The following LGI1 variants were observed in gnomAD, a reference collection of about 807,000 sequenced individuals.
The protein encoded by LGI1 is leucine-rich glioma-inactivated protein 1.
A neutral mutation model predicts 57.7 loss-of-function variants in LGI1; 11 were observed. The ratio of observed to expected loss-of-function variants is 0.19; its 90% CI spans 0.12 to 0.32. The LOEUF (loss-of-function observed/expected upper bound fraction) is 0.32, where lower values mean the gene tolerates loss of function less well. LGI1 is among the 10% of genes least tolerant of loss of function. LGI1 has a pLI of 1.00. For synonymous variants in LGI1, 222 were observed against 241.9 expected (o/e 0.92, Z 0.76); for missense variants, 422 against 661.9 (o/e 0.64, Z 3.98).
In LGI1 at chr10:93,758,380, G is replaced by A. The variant is rs764784082; in HGVS notation, c.215+21G>A. On this transcript the variant is annotated intron_variant, in intron 1 of 7. Coordinates refer to ENST00000371418, the MANE Select transcript of LGI1 (RefSeq NM_005097.4). This position sits in a 1 kb window ranked among gnomAD's most constrained non-coding sequence, Gnocchi z 4.7. ...TCATTGTAAGGCCCGTAAGCATTTT[G>A]ATATCTAATTTACGATTTAAAAATT... 1 of 1,606,770 alleles carries A rather than the reference G, an allele frequency of 6.2e-7. No individual in the cohort carries two copies. Among genetic ancestry groups the A allele is most frequent in the Non-Finnish European group, 8.5e-7 (1 of 1,173,500 alleles).
Position 93,765,967 on chromosome 10 carries a change from C to G in LGI1, c.287+7136C>G, listed in dbSNP as rs532957921. Among the ~76,000 whole-genome samples the G allele has an allele frequency of 1.7e-4, 12 of 71,036 alleles. No individual in the cohort carries two copies. The South Asian group carries it at 6.8e-3, about 40-fold the overall frequency. The allele number at this position is 71,036 out of a possible 152,430, so 46.6% of individuals were successfully genotyped here. On this transcript the variant is annotated intron_variant, in intron 2 of 7. Transcript: ENST00000371418. ...CCTGGGCGACAGAGTAAGCCTCCGT[C>G]TCAAAAAAAAAAAAAAAAAAAAGAA...
intron 4 of LGI1, among the ~76,000 whole-genome samples, chr10:93,781,218 G>A (rs1169950410): frequency 6.6e-6 from 1 of 152,032 alleles, no homozygotes; most frequent in East Asian, 1.9e-4. Context: ...AATTAGCCGG[G>A]CGTGGTGGTG....
At chr10:93,783,169 G>A (rs2059862125) in intron 4 of LGI1, 1 of 147,224 alleles carries the variant, frequency 6.8e-6, no homozygotes, top group African/African-American at 2.5e-5. Context: ...CAAGGTCAGA[G>A]ATCGAGACCA....
intron 2 of LGI1, among the ~76,000 whole-genome samples, chr10:93,773,804 T>G (rs889195705): frequency 2.6e-5 from 4 of 152,078 alleles, no homozygotes; most frequent in African/African-American, 7.2e-5. Flanking sequence ...GGAAAATGCT[T>G]CCCTAAAAAA....
rs751625223 is a variant in LGI1, at chr10:93,758,667, T to C, written c.216-93T>C. The stretch of plus-strand genomic sequence containing the variant: ...AATAGTGTCAAAATAGTCACTGTTA[T>C]GCTAAACCGGATTAACATAAGGTTT... On this transcript the variant is annotated intron_variant, in intron 1 of 7. Coordinates refer to ENST00000371418, the MANE Select transcript of LGI1 (RefSeq NM_005097.4). The surrounding 1 kb of genome is among the most constrained non-coding windows in gnomAD (Gnocchi z 4.7). 28 of 893,636 alleles carry C rather than the reference T, an allele frequency of 3.1e-5. No individual in the cohort carries two copies. Among genetic ancestry groups the C allele is most frequent in the Non-Finnish European group, 4.6e-5 (25 of 544,118 alleles). The allele number at this position is 893,636 out of a possible 1,614,324, so 55.4% of individuals were successfully genotyped here. A position where few individuals can be genotyped will look rare whatever the true frequency, so the allele number is the denominator to read the frequency against.
chr10:93,797,437 G>A lies in LGI1; in HGVS notation c.1308G>A (p.Lys436=), dbSNP rs754917862. Residue 436 remains lysine (K), a synonymous_variant, in exon 8 of 8, where the codon AAG becomes AAA. Transcript: ENST00000371418. The surrounding 1 kb of genome is among the most constrained non-coding windows in gnomAD (Gnocchi z 6.5). ...IPNMEDVYAV[K]HFSVKGDVYI... The stretch of plus-strand genomic sequence containing the variant: ...ACATGGAGGATGTGTACGCAGTGAA[G>A]CACTTCTCAGTGAAAGGGGACGTGT... 2 of 1,614,240 alleles carry A rather than the reference G, an allele frequency of 1.2e-6. No homozygotes were observed. The highest frequency in any genetic ancestry group is 1.1e-5 in the South Asian group (1 of 91,090).
chr10:93,763,950 G>T (rs1487005150), intron 2 of LGI1: 1 of 152,150 alleles, frequency 6.6e-6, no homozygotes, highest in African/African-American at 2.4e-5. Context: ...AATATGAAAA[G>T]AAAAATCAAT....
In LGI1 at chr10:93,758,139, G is replaced by T; in HGVS notation, c.-6G>T. 2 of 1,613,688 alleles carry T rather than the reference G, an allele frequency of 1.2e-6. No homozygotes were observed. The highest frequency in any genetic ancestry group is 2.2e-5 in the South Asian group (2 of 91,036). ...TGTTCATGGTTGGGGATATTTTCTC[G>T]ACTGCATGGAATCAGAAAGAAGCAA... On this transcript the variant is annotated 5_prime_UTR_variant, in exon 1 of 8. Transcript: ENST00000371418. This position sits in a 1 kb window ranked among gnomAD's most constrained non-coding sequence, Gnocchi z 4.7.
At chr10:93,761,642 C>T (rs2133979320) in intron 2 of LGI1, among the ~76,000 whole-genome samples, 1 of 152,196 alleles carries the variant, frequency 6.6e-6, no homozygotes, top group South Asian at 2.1e-4. Flanking sequence ...CCTGGTAGGC[C>T]ATGGCTGGCA....
chr10:93,762,976 C>G (rs939488908), intron 2 of LGI1: 5 of 152,262 alleles, frequency 3.3e-5, no homozygotes, highest in Non-Finnish European at 5.9e-5. Context: ...CCTGGACAAG[C>G]ATCCTGTCCG....
intron 4 of LGI1, among the ~76,000 whole-genome samples, chr10:93,787,504 T>C (rs2059900734): frequency 6.6e-6 from 1 of 152,226 alleles, no homozygotes; most frequent in Admixed American, 6.5e-5. Context: ...GCTCCAAGTC[T>C]GCAGCTCTGT....
At chr10:93,783,686 C>T (rs925189838) in intron 4 of LGI1, among the ~76,000 whole-genome samples, 2 of 152,196 alleles carry the variant, frequency 1.3e-5, no homozygotes, top group Non-Finnish European at 2.9e-5. Context: ...CTCTCGTCTA[C>T]TCCAGCCTGC....
chr10:93,764,875 G>A (rs567993459), intron 2 of LGI1: 67 of 152,262 alleles, frequency 4.4e-4, no homozygotes, highest in African/African-American at 1.5e-3. Flanking sequence ...TGGGTTTGCC[G>A]ATAATCTCAG....
At chr10:93,772,423 G>A (rs1036964941) in intron 2 of LGI1, among the ~76,000 whole-genome samples, 10 of 151,948 alleles carry the variant, frequency 6.6e-5, no homozygotes, top group Non-Finnish European at 1.5e-4. Context: ...TTATATATAA[G>A]GATGGTTATA....
At chr10:93,759,605 A>G (rs1446938690) in intron 2 of LGI1, among the ~76,000 whole-genome samples, 1 of 152,216 alleles carries the variant, frequency 6.6e-6, no homozygotes, top group African/African-American at 2.4e-5. Context: ...GGGGGTCAAG[A>G]GGTCTCCCAG....
At chr10:93,780,266 C>G (rs1267665655) in intron 4 of LGI1, 1 of 153,010 alleles carries the variant, frequency 6.5e-6, no homozygotes, top group Non-Finnish European at 1.5e-5. Context: ...TCCTTCTTTC[C>G]TTTCTGTCTT....
chr10:93,797,597 G>T lies in LGI1; in HGVS notation c.1468G>T (p.Ala490Ser). The T allele has an allele frequency of 6.2e-7, 1 of 1,614,066 alleles. No individual in the cohort carries two copies. Among genetic ancestry groups the T allele is most frequent in the Non-Finnish European group, 8.5e-7 (1 of 1,179,954 alleles). Reference sequence around the variant, plus strand: ...TCTTCAAATAAATAATTACCAATATGCAATTCTTGGAAGTGATTACTCCTT... The same window carrying T: ...TCTTCAAATAAATAATTACCAATATTCAATTCTTGGAAGTGATTACTCCTT... ...QPLQINNYQY[A>S]ILGSDYSFTQ... The change falls in exon 8 of 8, where the codon GCA becomes TCA. Residue 490 changes from alanine (A) to serine (S), a missense_variant. By Grantham distance (99) the Ala-to-Ser change is moderately conservative. Coordinates refer to ENST00000371418, the MANE Select transcript of LGI1 (RefSeq NM_005097.4). This position sits in a 1 kb window ranked among gnomAD's most constrained non-coding sequence, Gnocchi z 6.5.
intron 2 of LGI1, among the ~76,000 whole-genome samples, chr10:93,774,533 A>G (rs534913224): frequency 3.9e-5 from 6 of 152,116 alleles, no homozygotes; most frequent in Non-Finnish European, 7.3e-5. Context: ...TAGCTTCTCT[A>G]CCGGCTGGCT....
chr10:93,784,261 A>T (rs929464460), intron 4 of LGI1, among the ~76,000 whole-genome samples: 1 of 152,142 alleles, frequency 6.6e-6, no homozygotes, highest in Non-Finnish European at 1.5e-5. Flanking sequence ...TGTGACCTCC[A>T]TGCCCTGGAA....
Sources: gnomAD v4.1 joint callset for allele counts (sites outside exome capture counted in the v4.1 genomes callset) on GRCh38, gnomAD v4.1.1 for gene constraint, Gnocchi (gnomAD v3.1) non-coding constraint, MANE v1.5 for transcripts, NCBI Gene and HGNC (gene_info 2026-07-23, HGNC 2026-07-21) for gene names.